CDC42BPA: variants seen among roughly 807,000 people sequenced by gnomAD.
The protein encoded by CDC42BPA is CDC42 binding protein kinase alpha.
Under a neutral mutation model 223.5 loss-of-function variants are expected in CDC42BPA, and 80 were observed. The observed-to-expected ratio is 0.36, with a 90% CI of 0.30 to 0.43. The LOEUF is 0.43. Among genes scored for constraint, CDC42BPA ranks in the 20% least tolerant of loss-of-function variants. CDC42BPA has a pLI of 1.00. For synonymous variants in CDC42BPA, 694 were observed against 718.6 expected, an observed-to-expected ratio of 0.97 and a Z score of 0.55; for missense variants, 1,743 against 2,099.9, an observed-to-expected ratio of 0.83 and a Z score of 3.32.
intron 14 of CDC42BPA, among the ~76,000 whole-genome samples, chr1:227,109,104 T>C (rs1349373816): frequency 2.0e-5 from 3 of 152,160 alleles, no homozygotes; most frequent in Admixed American, 6.5e-5. Context: ...TAGAGCATTA[T>C]GAATGGAACT....
intron 2 of CDC42BPA, among the ~76,000 whole-genome samples, chr1:227,248,539 T>C (rs1558865049): frequency 6.6e-6 from 1 of 152,144 alleles, no homozygotes. Context: ...ATTAAATACC[T>C]AGGATTTAAA....
intron 2 of CDC42BPA, among the ~76,000 whole-genome samples, chr1:227,237,015 C>G (rs1039377752): frequency 3.5e-5 from 5 of 144,906 alleles, no homozygotes; most frequent in African/African-American, 1.3e-4. Context: ...TGCACTCCAG[C>G]CTCGATGACA....
intron 28 of CDC42BPA, 94 bp downstream of exon 28, chr1:227,031,204 G>T: frequency 2.2e-6 from 2 of 889,624 alleles, no homozygotes; most frequent in Non-Finnish European, 3.7e-6. Context: ...ACAGTATGTT[G>T]GACACTGGGG....
chr1:227,115,205 A>T (rs562181363), intron 12 of CDC42BPA, among the ~76,000 whole-genome samples: 1 of 152,174 alleles, frequency 6.6e-6, no homozygotes, highest in East Asian at 1.9e-4. Context: ...AAATCATGAC[A>T]AACAGAAAAA....
At chr1:227,309,835 TATG>T (rs546240571) in intron 1 of CDC42BPA, among the ~76,000 whole-genome samples, 38 of 152,310 alleles carry the variant, frequency 2.5e-4, no homozygotes, top group Middle Eastern at 6.8e-3. Context: ...AGTGGTTCAT[TATG>T]ATGTCAAATT....
At chr1:227,093,890 T>C (rs1683523192) in intron 15 of CDC42BPA, among the ~76,000 whole-genome samples, 2 of 152,174 alleles carry the variant, frequency 1.3e-5, no homozygotes, top group South Asian at 4.1e-4. Context: ...GCTTCAAACC[T>C]CTGCAGGTAG....
At chr1:227,067,502 A>ATT (rs1339938583) in intron 21 of CDC42BPA, among the ~76,000 whole-genome samples, 3 of 152,172 alleles carry the variant, frequency 2.0e-5, no homozygotes, top group African/African-American at 7.2e-5. Context: ...TAATATCTGT[A>ATT]TGGAAATATC....
chr1:227,318,283 G>C lies in CDC42BPA; in HGVS notation c.-1101C>G, dbSNP rs543780392. Reference sequence around the variant, plus strand: ...TAAGGGCATCTTTCCACAGCGAGGAGGGAGGCGGCCCGGCGCAGGAGGAGG... The same window carrying C: ...TAAGGGCATCTTTCCACAGCGAGGACGGAGGCGGCCCGGCGCAGGAGGAGG... On this transcript the variant is annotated 5_prime_UTR_variant, in exon 1 of 37. Transcript: ENST00000366766. The C allele has an allele frequency of 8.1e-3, 11 of 1,358 alleles. No individual in the cohort carries two copies. The South Asian group carries it at 0.13, about 17-fold the overall frequency. 0.1% of individuals were successfully genotyped at this position (1,358 alleles called of 1,614,324 possible).
chr1:227,219,207 G>C (rs41270147), intron 2 of CDC42BPA: 1 of 152,182 alleles, frequency 6.6e-6, no homozygotes. Context: ...ATGCAGACAC[G>C]TAAGGGCCTA....
chr1:227,224,784 T>C (rs1448755853), intron 2 of CDC42BPA, among the ~76,000 whole-genome samples: 2 of 152,244 alleles, frequency 1.3e-5, no homozygotes, highest in Admixed American at 1.3e-4. Context: ...TGGCAAGTCC[T>C]CTTCTAGAAA....
chr1:227,206,737 A>C (rs1672794302), intron 3 of CDC42BPA, among the ~76,000 whole-genome samples: 2 of 152,196 alleles, frequency 1.3e-5, no homozygotes, highest in African/African-American at 2.4e-5. Flanking sequence ...ATTTCTGTCT[A>C]AAAGATAAAA....
chr1:227,262,438 C>T (rs2148377879), intron 1 of CDC42BPA, among the ~76,000 whole-genome samples: 1 of 151,952 alleles, frequency 6.6e-6, no homozygotes. Context: ...TCATACACTC[C>T]TCCAAGAATA....
chr1:227,088,658 A>AAT (rs1379435197), intron 16 of CDC42BPA, among the ~76,000 whole-genome samples: 1 of 152,216 alleles, frequency 6.6e-6, no homozygotes, highest in Non-Finnish European at 1.5e-5. Context: ...CACTGGCATA[A>AAT]ATGGCTGATT....
At chr1:227,277,885 G>C (rs1472139456) in intron 1 of CDC42BPA, among the ~76,000 whole-genome samples, 2 of 152,098 alleles carry the variant, frequency 1.3e-5, no homozygotes, top group East Asian at 3.9e-4. Flanking sequence ...GAGTAGCTAG[G>C]ACTACAGGCA....
intron 1 of CDC42BPA, among the ~76,000 whole-genome samples, chr1:227,311,312 T>A (rs775086854): frequency 2.8e-4 from 42 of 152,312 alleles, no homozygotes; most frequent in Non-Finnish European, 5.4e-4. Flanking sequence ...TGAGCCATGA[T>A]GGTCTCTCAT....
At chr1:227,005,171 G>T in intron 34 of CDC42BPA, 60 bp from the exon 35 acceptor site, 2 of 1,123,562 alleles carry the variant, frequency 1.8e-6, no homozygotes, top group Non-Finnish European at 2.7e-6. Context: ...TTTCTGCAGA[G>T]ATGTCTATTT....
chr1:227,043,557 G>A (rs1214622472), intron 23 of CDC42BPA, among the ~76,000 whole-genome samples: 2 of 151,686 alleles, frequency 1.3e-5, no homozygotes, highest in African/African-American at 4.8e-5. Context: ...AGAAATATTA[G>A]GTGCAACAAA....
chr1:227,193,163 G>A (rs10799404), intron 5 of CDC42BPA, among the ~76,000 whole-genome samples: 3 of 146,836 alleles, frequency 2.0e-5, no homozygotes, highest in Non-Finnish European at 4.5e-5. Flanking sequence ...CCGCCTCCCG[G>A]GTTCACGCCA....
chr1:227,299,090 C>G (rs1691205242), intron 1 of CDC42BPA, among the ~76,000 whole-genome samples: 1 of 152,090 alleles, frequency 6.6e-6, no homozygotes, highest in Non-Finnish European at 1.5e-5. Flanking sequence ...CTTCATAAAG[C>G]TTACTGGATT....
Sources: gnomAD v4.1 joint callset for allele counts (sites outside exome capture counted in the v4.1 genomes callset) on GRCh38, gnomAD v4.1.1 for gene constraint, MANE v1.5 for transcripts, NCBI Gene and HGNC (gene_info 2026-07-23, HGNC 2026-07-21) for gene names.